The following FLNB variants were observed in gnomAD, a reference collection of about 807,000 sequenced individuals.
FLNB encodes the protein filamin B.
FLNB carries 111 observed loss-of-function variants against 250.6 expected under a neutral mutation model. The ratio of observed to expected loss-of-function variants is 0.44; its 90% CI spans 0.38 to 0.52. The LOEUF (loss-of-function observed/expected upper bound fraction) is 0.52. FLNB is among the 20% of genes least tolerant of loss of function. The pLI is 0.00. For missense variants in FLNB, 2,869 were observed against 3,447.8 expected (o/e 0.83, Z 4.20); for synonymous variants, 1,302 against 1,372.1 (o/e 0.95, Z 1.13).
At position 58,159,536 on chromosome 3, in the gene FLNB, G is replaced by A. The variant is rs12634123; in HGVS notation, c.6889-18G>A. ...GAACGCCGAGGGCCATAACCTGTCT[G>A]ATGTATTAAATTCTCAGGAATCGGG... On this transcript the variant is annotated intron_variant, in intron 41 of 45. Coordinates refer to ENST00000295956, the MANE Select transcript of FLNB (RefSeq NM_001457.4). 1,032,545 of 1,612,544 alleles carry A rather than the reference G, an allele frequency of 0.64. 335,250 individuals are homozygous for A. The highest frequency in any genetic ancestry group is 1 in the East Asian group (44,820 of 44,880).
chr3:58,136,746 CTTTTTTT>C lies in FLNB; in HGVS notation c.4861+595_4861+601del, dbSNP rs57053256. 4.3e-4 allele frequency among the ~76,000 whole-genome samples: 34 copies of C among 79,814 alleles called. No individual in the cohort carries two copies. In the South Asian group the frequency reaches 6.3e-3, roughly 15 times the overall value. 52.4% of individuals were successfully genotyped at this position (79,814 alleles called of 152,430 possible). A position where few individuals can be genotyped will look rare whatever the true frequency, so the allele number is the denominator to read the frequency against. ...CAACTATTGACTGTCACAGGCCATT[CTTTTTTT>C]TTTTTTTTTTTTTTTTGAGATGGAG... On this transcript the variant is annotated intron_variant, in intron 28 of 45. Coordinates refer to ENST00000295956, the MANE Select transcript of FLNB (RefSeq NM_001457.4).
rs1341840209 is a variant in FLNB at position 58,110,129 on chromosome 3, G to T, written c.2443G>T (p.Ala815Ser). The T allele has an allele frequency of 1.9e-6, 3 of 1,614,202 alleles. No homozygotes were observed. The South Asian group carries it at 3.3e-5, about 18-fold the overall frequency. Residue 815 changes from alanine to serine, a missense_variant, in exon 16 of 46, where the codon GCT (alanine) becomes TCT (serine). Physicochemically the swap from Ala to Ser is moderately conservative, Grantham distance 99. Coordinates refer to ENST00000295956, the MANE Select transcript of FLNB (RefSeq NM_001457.4). Reference sequence around the variant, plus strand: ...GTTCACAGTCAAATATGTGCCTCCTGCTGCTGGGCGATACACTATCAAAGT... The same window carrying T: ...GTTCACAGTCAAATATGTGCCTCCTTCTGCTGGGCGATACACTATCAAAGT... ...DTFTVKYVPP[A>S]AGRYTIKVLF...
intron 1 of FLNB, among the ~76,000 whole-genome samples, chr3:58,041,616 C>T (rs2097146112): frequency 1.3e-5 from 2 of 152,194 alleles, no homozygotes; most frequent in African/African-American, 4.8e-5. Context: ...TAGTAACTTA[C>T]CCACCACCAC....
intron 24 of FLNB, among the ~76,000 whole-genome samples, chr3:58,128,511 A>T (rs2107194723): frequency 6.6e-6 from 1 of 152,290 alleles, no homozygotes; most frequent in East Asian, 1.9e-4. Flanking sequence ...AAAACTTGTG[A>T]TGACTGCTAT....
At chr3:58,092,809 C>T (rs1308473296) in intron 4 of FLNB, among the ~76,000 whole-genome samples, 2 of 152,182 alleles carry the variant, frequency 1.3e-5, no homozygotes, top group African/African-American at 4.8e-5. Flanking sequence ...AAAAACTTTT[C>T]TCATCTTCTC....
At chr3:58,113,464 G>A (rs1200086181) in intron 18 of FLNB, among the ~76,000 whole-genome samples, 2 of 152,144 alleles carry the variant, frequency 1.3e-5, no homozygotes, top group Non-Finnish European at 2.9e-5. Context: ...GAGTCAAGTG[G>A]GGAAGAAAGA....
chr3:58,106,558 C>T, intron 11 of FLNB, 122 bp from the exon 12 acceptor site: 1 of 890,520 alleles, frequency 1.1e-6, no homozygotes, highest in Non-Finnish European at 1.8e-6. Context: ...GGGATACAAA[C>T]AGATTTCAAT....
At chr3:58,153,335 C>T (rs1294844304) in intron 38 of FLNB, 40 bp from the exon 39 acceptor site, 2 of 1,613,596 alleles carry the variant, frequency 1.2e-6, no homozygotes, top group Admixed American at 3.3e-5. Context: ...GGCCCTTGCC[C>T]TAACCCTCTT....
At chr3:58,093,911 G>A (rs918841258) in intron 4 of FLNB, among the ~76,000 whole-genome samples, 3 of 152,152 alleles carry the variant, frequency 2.0e-5, no homozygotes, top group South Asian at 2.1e-4. Flanking sequence ...TGACGTTACC[G>A]AAATAATAAA....
intron 27 of FLNB, 51 bp downstream of exon 27, chr3:58,134,823 C>T (rs756211819): frequency 6.5e-7 from 1 of 1,548,070 alleles, no homozygotes; most frequent in Non-Finnish European, 8.9e-7. Context: ...GACTTAATTT[C>T]TGGGCCAGAT....
At chr3:58,068,086 G>C (rs980402046) in intron 1 of FLNB, among the ~76,000 whole-genome samples, 1 of 152,048 alleles carries the variant, frequency 6.6e-6, no homozygotes, top group South Asian at 2.1e-4. Flanking sequence ...CATGGAGCAG[G>C]CATGCCCACT....
At chr3:58,020,303 T>C (rs146072916) in intron 1 of FLNB, among the ~76,000 whole-genome samples, 6 of 152,304 alleles carry the variant, frequency 3.9e-5, no homozygotes, top group African/African-American at 1.4e-4. Flanking sequence ...CCAGCCTTTA[T>C]CAGTCTCATG....
intron 1 of FLNB, among the ~76,000 whole-genome samples, chr3:58,011,421 G>T (rs1305531285): frequency 6.6e-6 from 1 of 152,116 alleles, no homozygotes; most frequent in Non-Finnish European, 1.5e-5. Context: ...GGGTTAAAGG[G>T]TGTGACCACA....
At chr3:58,064,634 G>T (rs2097182937) in intron 1 of FLNB, among the ~76,000 whole-genome samples, 1 of 152,044 alleles carries the variant, frequency 6.6e-6, no homozygotes, top group Non-Finnish European at 1.5e-5. Context: ...TTCCCTCAAG[G>T]AGTTACCTGA....
chr3:58,151,979 C>A (rs1464932798), intron 38 of FLNB, among the ~76,000 whole-genome samples: 1 of 152,242 alleles, frequency 6.6e-6, no homozygotes, highest in Non-Finnish European at 1.5e-5. Flanking sequence ...AGTTTCATAT[C>A]TTCGATTACT....
intron 36 of FLNB, chr3:58,149,554 A>G: frequency 2.1e-6 from 1 of 468,054 alleles, no homozygotes; most frequent in Non-Finnish European, 3.9e-6. Flanking sequence ...GTGAGGGCAG[A>G]AGGTCCTCCC....
At chr3:58,154,354 G>A (rs907611452) in intron 39 of FLNB, among the ~76,000 whole-genome samples, 1 of 152,166 alleles carries the variant, frequency 6.6e-6, no homozygotes, top group Non-Finnish European at 1.5e-5. Context: ...ACCAGCCTGG[G>A]CAACACGGTG....
Position 58,083,652 on chromosome 3 carries a change from A to G in FLNB, c.787+1876A>G, listed in dbSNP as rs147310507. 8.3e-3 allele frequency among the ~76,000 whole-genome samples: 1,257 copies of G among 152,072 alleles called. 15 individuals are homozygous for G. Among genetic ancestry groups the G allele is most frequent in the African/African-American group, 0.029 (1,204 of 41,476 alleles). The stretch of plus-strand genomic sequence containing the variant: ...AATCCGCTTATTCTTAAGACGACAC[A>G]TGGCTAGGGCAGTGATGCTGACCAC... On this transcript the variant is annotated intron_variant, in intron 4 of 45. Transcript: ENST00000295956.
intron 1 of FLNB, among the ~76,000 whole-genome samples, chr3:58,022,669 A>C (rs1465508287): frequency 6.6e-6 from 1 of 152,186 alleles, no homozygotes; most frequent in East Asian, 1.9e-4. Flanking sequence ...TATTGTTGTA[A>C]TTCCCGTTAT....
Sources: gnomAD v4.1 joint callset for allele counts (sites outside exome capture counted in the v4.1 genomes callset) on GRCh38, gnomAD v4.1.1 for gene constraint, MANE v1.5 for transcripts, NCBI Gene and HGNC (gene_info 2026-07-23, HGNC 2026-07-21) for gene names.